The following USP30 variants were observed in gnomAD, a reference collection of about 807,000 sequenced individuals.
The protein encoded by USP30 is ubiquitin specific peptidase 30, also known as ubiquitin carboxyl-terminal hydrolase 30.
Under a neutral mutation model 68.2 loss-of-function variants are expected in USP30, and 41 were observed. That is an observed-to-expected ratio of 0.60 (90% CI 0.47 to 0.78). The LOEUF (loss-of-function observed/expected upper bound fraction) is 0.78, where lower values mean the gene tolerates loss of function less well. Ranked by LOEUF, USP30 falls within the 30% of genes least tolerant of loss-of-function variation. The probability of loss-of-function intolerance (pLI) is 0.00; values close to 1 mark genes in which losing one functional copy is unlikely to be tolerated. For synonymous variants in USP30, 229 were observed against 253.7 expected (o/e 0.90, Z 0.93); for missense variants, 522 against 649.4 (o/e 0.80, Z 2.13).
intron 2 of USP30, among the ~76,000 whole-genome samples, chr12:109,025,880 G>A (rs1390594796): frequency 6.6e-6 from 1 of 151,984 alleles, no homozygotes; most frequent in Admixed American, 6.6e-5. Flanking sequence ...TAGAGATGGA[G>A]TTTTGCTTCA....
At chr12:109,056,172 G>C (rs867395241) in intron 1 of USP30, among the ~76,000 whole-genome samples, 2 of 93,118 alleles carry the variant, frequency 2.1e-5, no homozygotes, top group Non-Finnish European at 4.8e-5. Context: ...ATTTGACTTA[G>C]TTTTTGTTGT....
chr12:109,055,400 A>ATATATATATT (rs1298811530), intron 1 of USP30, among the ~76,000 whole-genome samples: 3 of 24,474 alleles, frequency 1.2e-4, no homozygotes, highest in African/African-American at 3.3e-4. Flanking sequence ...ATATATATAT[A>ATATATATATT]TTTTTTTTTT....
rs1416699379 is a variant in USP30 at position 109,085,676 on chromosome 12, A to G, written c.1299A>G (p.Thr433=). 1.2e-6 allele frequency: 2 copies of G among 1,614,112 alleles called. No individual in the cohort carries two copies. The highest frequency in any genetic ancestry group is 1.3e-5 in the African/African-American group (1 of 75,026). Residue 433 remains threonine, a synonymous_variant, in exon 13 of 13, where the codon ACA becomes ACG. Coordinates refer to ENST00000257548, the MANE Select transcript of USP30 (RefSeq NM_032663.5). ...TGTTCGTATCATTCAGCTCCTCCAC[A>G]TACCTCTTCCGGCTGATGGCAGTTG... ...LPVVPDYSSS[T]YLFRLMAVVV...
intron 3 of USP30, among the ~76,000 whole-genome samples, chr12:109,063,224 C>T (rs772998474): frequency 1.3e-4 from 20 of 152,058 alleles, no homozygotes; most frequent in African/African-American, 2.9e-4. Flanking sequence ...CTCAGCCTTC[C>T]GAGTAGCTGG....
chr12:109,061,109 T>C (rs1377933455), intron 3 of USP30, among the ~76,000 whole-genome samples: 1 of 152,144 alleles, frequency 6.6e-6, no homozygotes, highest in Non-Finnish European at 1.5e-5. Flanking sequence ...TATTTCTAAA[T>C]AGAACTTGTC....
In USP30 at chr12:109,046,417, C is replaced by CT. The variant is rs56405228; in HGVS notation, c.-135-1160dup. On this transcript the variant is annotated intron_variant, in intron 3 of 15. Coordinates refer to the USP30 transcript ENST00000392784. ...CGTGAGCCATTGCACCCAGCCCAGT[C>CT]TTTTTTTTTTTTTCTTCCTCTTCAG... Among the ~76,000 whole-genome samples, 338 of 146,248 alleles carry CT rather than the reference C, an allele frequency of 2.3e-3. 1 individual carries two copies. Among genetic ancestry groups the CT allele is most frequent in the African/African-American group, 7.2e-3 (285 of 39,714 alleles).
At chr12:109,064,065 G>T (rs1180526692) in intron 3 of USP30, among the ~76,000 whole-genome samples, 1 of 151,804 alleles carries the variant, frequency 6.6e-6, no homozygotes. Context: ...GTAGAGACAG[G>T]GTTTCACCAT....
rs745958748 is a variant in USP30 at position 109,052,724 on chromosome 12, G to A, written c.46G>A (p.Ala16Thr). The change falls in exon 1 of 13, where the codon GCC becomes ACC. Residue 16 changes from alanine (A) to threonine (T), a missense_variant. Transcript: ENST00000257548. ...AEAAMTAADR[A>T]IQRFLRTGAA... ...GGCGGCGATGACCGCGGCCGACAGG[G>A]CCATCCAGCGCTTCCTGCGGACCGG... The A allele has an allele frequency of 4.8e-6, 7 of 1,469,124 alleles. No homozygotes were observed. Among genetic ancestry groups the A allele is most frequent in the African/African-American group, 1.5e-5 (1 of 67,588 alleles). 91.0% of individuals were successfully genotyped at this position (1,469,124 alleles called of 1,614,324 possible).
chr12:109,049,935 A>T (rs145015698), upstream of USP30, among the ~76,000 whole-genome samples: 177 of 152,354 alleles, frequency 1.2e-3, no homozygotes, highest in African/African-American at 4.0e-3. Context: ...GTAGTCAGGT[A>T]GCCACAAACC....
chr12:109,054,871 A>G (rs1434991561), intron 1 of USP30: 1 of 152,248 alleles, frequency 6.6e-6, no homozygotes, highest in Non-Finnish European at 1.5e-5. Context: ...TCTGAAATTC[A>G]GCTATCAGCT....
intron 3 of USP30, among the ~76,000 whole-genome samples, chr12:109,040,183 A>C (rs1273458702): frequency 6.6e-6 from 1 of 152,198 alleles, no homozygotes; most frequent in African/African-American, 2.4e-5. Flanking sequence ...AACAAAAAAA[A>C]AATTTAGGGT....
At chr12:109,047,286 T>C (rs1443972329) in intron 3 of USP30, among the ~76,000 whole-genome samples, 1 of 152,090 alleles carries the variant, frequency 6.6e-6, no homozygotes. Flanking sequence ...CCCACAAACT[T>C]GTCTGGGGAG....
rs141354738 is a variant in USP30 at position 109,042,556 on chromosome 12, T to C, written c.-135-5034T>C. Reference sequence around the variant, plus strand: ...GCTCATTGTTTTCATAGCTACATAGTACTCTCCTGTGTGGGTATATAATAA... The same window carrying C: ...GCTCATTGTTTTCATAGCTACATAGCACTCTCCTGTGTGGGTATATAATAA... On this transcript the variant is annotated intron_variant, in intron 3 of 15. Transcript: ENST00000392784. Among the ~76,000 whole-genome samples, 71 of 152,310 alleles carry C rather than the reference T, an allele frequency of 4.7e-4. No individual in the cohort carries two copies. The East Asian group carries it at 0.012, about 26-fold the overall frequency.
chr12:109,039,389 TG>T (rs1209872776), intron 3 of USP30, among the ~76,000 whole-genome samples: 2 of 152,188 alleles, frequency 1.3e-5, no homozygotes, highest in Admixed American at 6.5e-5. Flanking sequence ...AAGGTTTGGG[TG>T]GGAAGACAGG....
intron 3 of USP30, among the ~76,000 whole-genome samples, chr12:109,038,482 T>A (rs940007161): frequency 6.6e-5 from 10 of 152,158 alleles, no homozygotes; most frequent in Admixed American, 6.6e-5. Flanking sequence ...TTTTTTCCCT[T>A]TTAAGCTTTT....
intron 3 of USP30, among the ~76,000 whole-genome samples, chr12:109,059,550 G>C (rs2040991328): frequency 6.6e-6 from 1 of 151,466 alleles, no homozygotes; most frequent in East Asian, 2.0e-4. Context: ...GTCTTGTTCT[G>C]TTGCCCAGGC....
intron 6 of USP30, among the ~76,000 whole-genome samples, 162 bp from the exon 7 acceptor site, chr12:109,073,276 G>A (rs1234295554): frequency 6.6e-6 from 1 of 152,210 alleles, no homozygotes; most frequent in Non-Finnish European, 1.5e-5. Context: ...GGAATGGGAT[G>A]TCTTTTGGAT....
upstream of USP30, among the ~76,000 whole-genome samples, chr12:109,051,615 G>A (rs145235503): frequency 3.2e-3 from 469 of 144,914 alleles, 5 homozygotes; most frequent in African/African-American, 0.011. Flanking sequence ...TGTCACCCAG[G>A]CTGGAATGCA....
At chr12:109,083,193 C>G in intron 11 of USP30, 131 bp downstream of exon 11, 1 of 884,676 alleles carries the variant, frequency 1.1e-6, no homozygotes, top group Non-Finnish European at 1.6e-6. Context: ...CTCTTGAGAA[C>G]AGCAGGATTG....
Sources: gnomAD v4.1 joint callset for allele counts (sites outside exome capture counted in the v4.1 genomes callset) on GRCh38, gnomAD v4.1.1 for gene constraint, MANE v1.5 for transcripts, NCBI Gene and HGNC (gene_info 2026-07-23, HGNC 2026-07-21) for gene names.